The following HSD17B12 variants were observed in gnomAD, a reference collection of about 807,000 sequenced individuals.
The protein encoded by HSD17B12 is very-long-chain 3-oxoacyl-CoA reductase.
Under a neutral mutation model 39.3 loss-of-function variants are expected in HSD17B12, and 32 were observed. That is an observed-to-expected ratio of 0.81 (90% CI 0.61 to 1.09). HSD17B12 has a LOEUF of 1.09. HSD17B12 is among the 50% of genes least tolerant of loss of function. The pLI is 0.00. For missense variants in HSD17B12, 342 were observed against 382.9 expected, an observed-to-expected ratio of 0.89 and a Z score of 0.89; for synonymous variants, 150 against 146.7, an observed-to-expected ratio of 1.02 and a Z score of -0.16.
intron 4 of HSD17B12, among the ~76,000 whole-genome samples, chr11:43,812,678 A>G (rs1179880718): frequency 6.6e-6 from 1 of 151,840 alleles, no homozygotes; most frequent in East Asian, 1.9e-4. Flanking sequence ...TAGTCTCTTC[A>G]CTCTGTTGAT....
chr11:43,800,613 T>C (rs1950957545), intron 4 of HSD17B12, among the ~76,000 whole-genome samples: 1 of 152,174 alleles, frequency 6.6e-6, no homozygotes, highest in Non-Finnish European at 1.5e-5. Flanking sequence ...ACAGGACACA[T>C]GTTCTCTAAA....
chr11:43,566,802 G>T, the HSD17B12 span, among the ~76,000 whole-genome samples: 1 of 152,168 alleles, frequency 6.6e-6, no homozygotes, highest in Non-Finnish European at 1.5e-5. Context: ...TGCTGGGATT[G>T]CAGGCGTGAG....
the HSD17B12 span, among the ~76,000 whole-genome samples, chr11:43,596,675 C>T: frequency 4.6e-5 from 7 of 152,230 alleles, no homozygotes; most frequent in South Asian, 4.1e-4. Flanking sequence ...TGAACTCAAG[C>T]GATCCTCCTG....
rs1590335981 is a variant in HSD17B12, at chr11:43,831,069, G to A, written c.536+59G>A. On this transcript the variant is annotated intron_variant, in intron 7 of 10. Transcript: ENST00000278353. This position sits in a 1 kb window ranked among gnomAD's most constrained non-coding sequence, Gnocchi z 4.1. Reference sequence around the variant, plus strand: ...AGCAGAGCTCATGATTATTTAGAGGGAGAATCCTTGCTTTGAAAAAATCAC... The same window carrying A: ...AGCAGAGCTCATGATTATTTAGAGGAAGAATCCTTGCTTTGAAAAAATCAC... 6.8e-7 allele frequency: 1 copy of A among 1,472,140 alleles called. No homozygotes were observed. The highest frequency in any genetic ancestry group is 9.3e-7 in the Non-Finnish European group (1 of 1,074,914). 91.2% of individuals were successfully genotyped at this position (1,472,140 alleles called of 1,614,324 possible). A position where few individuals can be genotyped will look rare whatever the true frequency, so the allele number is the denominator to read the frequency against.
the HSD17B12 span, among the ~76,000 whole-genome samples, chr11:43,618,226 A>C: frequency 2.6e-5 from 4 of 152,252 alleles, no homozygotes; most frequent in Non-Finnish European, 5.9e-5. Context: ...TAAGACTAAT[A>C]ACAACAAGAT....
the HSD17B12 span, chr11:43,644,424 A>G: frequency 1.3e-5 from 2 of 152,262 alleles, no homozygotes; most frequent in Non-Finnish European, 2.9e-5. Flanking sequence ...TGCCGTCGTT[A>G]TAGCGGTCAA....
At chr11:43,585,370 G>T in the HSD17B12 span, among the ~76,000 whole-genome samples, 1 of 152,150 alleles carries the variant, frequency 6.6e-6, no homozygotes, top group Non-Finnish European at 1.5e-5. Context: ...GATTTGTGAG[G>T]AAAGGAGAAA....
the HSD17B12 span, among the ~76,000 whole-genome samples, chr11:43,619,172 TA>T: frequency 6.3e-5 from 5 of 79,212 alleles, no homozygotes; most frequent in Non-Finnish European, 1.2e-4. Flanking sequence ...ATGATATATA[TA>T]TATATATAAA....
chr11:43,736,948 T>C (rs768540042), intron 1 of HSD17B12, among the ~76,000 whole-genome samples: 7 of 152,200 alleles, frequency 4.6e-5, no homozygotes, highest in Non-Finnish European at 8.8e-5. Flanking sequence ...TTTCTTTCCA[T>C]GTAATAGATT....
At chr11:43,706,208 G>A (rs770854584) in intron 1 of HSD17B12, among the ~76,000 whole-genome samples, 2 of 152,120 alleles carry the variant, frequency 1.3e-5, no homozygotes, top group African/African-American at 2.4e-5. Context: ...TTTAATAGCA[G>A]TAATATAAGG....
the HSD17B12 span, among the ~76,000 whole-genome samples, chr11:43,643,443 CTTAGT>C: frequency 2.3e-4 from 35 of 152,134 alleles, no homozygotes; most frequent in African/African-American, 7.9e-4. Context: ...AGAATGAACT[CTTAGT>C]TTATTTTTCA....
chr11:43,706,220 C>T (rs975901899), intron 1 of HSD17B12, among the ~76,000 whole-genome samples: 2 of 151,958 alleles, frequency 1.3e-5, no homozygotes, highest in African/African-American at 4.8e-5. Flanking sequence ...AATATAAGGC[C>T]GAAGTCTAAA....
chr11:43,639,267 C>T, the HSD17B12 span, among the ~76,000 whole-genome samples: 258 of 152,344 alleles, frequency 1.7e-3, no homozygotes, highest in Non-Finnish European at 3.2e-3. Flanking sequence ...ACGCTTCAAC[C>T]TTGCCTAACA....
intron 1 of HSD17B12, among the ~76,000 whole-genome samples, chr11:43,706,042 T>G (rs1279013433): frequency 6.6e-6 from 1 of 152,138 alleles, no homozygotes. Flanking sequence ...ACTGAAAAGC[T>G]GGAGCAAAGA....
At chr11:43,719,174 A>T in intron 1 of HSD17B12, 1 of 742,704 alleles carries the variant, frequency 1.3e-6, no homozygotes, top group South Asian at 1.4e-5. Context: ...AATTCTAAAT[A>T]TATGTATATC....
At chr11:43,578,705 AG>A in the HSD17B12 span, among the ~76,000 whole-genome samples, 2 of 133,556 alleles carry the variant, frequency 1.5e-5, no homozygotes, top group Non-Finnish European at 3.2e-5. Flanking sequence ...GGGTGGGGGG[AG>A]CGGTCGGGGC....
chr11:43,735,972 G>A (rs1950312735), intron 1 of HSD17B12, among the ~76,000 whole-genome samples: 1 of 152,170 alleles, frequency 6.6e-6, no homozygotes, highest in Non-Finnish European at 1.5e-5. Flanking sequence ...CTATTTTCAT[G>A]AGGCCCCTTC....
chr11:43,702,252 T>G (rs1329230382), intron 1 of HSD17B12, among the ~76,000 whole-genome samples: 4 of 152,338 alleles, frequency 2.6e-5, no homozygotes, highest in African/African-American at 9.6e-5. Flanking sequence ...TTTTTCCAAA[T>G]ATAAGATTAC....
chr11:43,680,724 C>A, upstream of HSD17B12: 1 of 1,044,492 alleles, frequency 9.6e-7, no homozygotes, highest in South Asian at 1.3e-5. Flanking sequence ...GGTGTCGGAG[C>A]AGCGCCTATT....
Sources: allele counts gnomAD v4.1 joint callset (sites outside exome capture counted in the v4.1 genomes callset), GRCh38; gene constraint gnomAD v4.1.1; non-coding constraint Gnocchi (gnomAD v3.1); transcripts MANE v1.5; gene names NCBI Gene and HGNC (gene_info 2026-07-23, HGNC 2026-07-21).